The following GALNT2 variants were observed in gnomAD, a reference collection of about 807,000 sequenced individuals.
GALNT2 encodes the protein polypeptide N-acetylgalactosaminyltransferase 2.
In GALNT2, 31 loss-of-function variants were observed where a neutral mutation model predicts 81.4. The ratio of observed to expected loss-of-function variants is 0.38; its 90% confidence interval spans 0.29 to 0.51. The LOEUF (loss-of-function observed/expected upper bound fraction) is 0.51, where lower values mean the gene tolerates loss of function less well. GALNT2 is among the 20% of genes least tolerant of loss of function. GALNT2 has a pLI of 0.87. For missense variants in GALNT2, 629 were observed against 765.7 expected (o/e 0.82, Z 2.11); for synonymous variants, 303 against 287.4 (o/e 1.05, Z -0.55).
At chr1:230,094,521 C>A (rs1405835643) in intron 1 of GALNT2, among the ~76,000 whole-genome samples, 1 of 152,046 alleles carries the variant, frequency 6.6e-6, no homozygotes, top group Non-Finnish European at 1.5e-5. Flanking sequence ...ACCTGTAATC[C>A]CAGCTACTTG....
At chr1:230,119,579 C>T (rs1360429983) in intron 1 of GALNT2, among the ~76,000 whole-genome samples, 1 of 152,178 alleles carries the variant, frequency 6.6e-6, no homozygotes, top group Non-Finnish European at 1.5e-5. Flanking sequence ...AACATTGTAA[C>T]ATTTTAATTC....
At chr1:230,139,658 A>C (rs1404837504) in intron 1 of GALNT2, among the ~76,000 whole-genome samples, 1 of 152,260 alleles carries the variant, frequency 6.6e-6, no homozygotes, top group African/African-American at 2.4e-5. Context: ...TAGAATAGTA[A>C]GGGATTTTTT....
rs116676225 is a variant in GALNT2, at chr1:230,141,620, G to A, written c.127-36598G>A. 9.5e-4 allele frequency among the ~76,000 whole-genome samples: 145 copies of A among 152,186 alleles called. 2 individuals carry two copies. The Middle Eastern group carries it at 0.01, about 11-fold the overall frequency. The stretch of plus-strand genomic sequence containing the variant: ...CATCCATGTTGTAGCGCGCGTCAGA[G>A]TTTTCTCCCTATTTAGGGCTGAATA... On this transcript the variant is annotated intron_variant, in intron 1 of 15. Coordinates refer to ENST00000366672, the MANE Select transcript of GALNT2 (RefSeq NM_004481.5).
At chr1:230,058,642 C>T (rs1658975186) in intron 1 of GALNT2, among the ~76,000 whole-genome samples, 1 of 152,234 alleles carries the variant, frequency 6.6e-6, no homozygotes, top group African/African-American at 2.4e-5. Context: ...ACAAACAGTG[C>T]CTGGCATATG....
At chr1:230,113,364 T>G (rs574339261) in intron 1 of GALNT2, among the ~76,000 whole-genome samples, 17 of 152,218 alleles carry the variant, frequency 1.1e-4, no homozygotes, top group Non-Finnish European at 2.4e-4. Context: ...GAATCCAGTT[T>G]GCGCAGCACT....
intron 2 of GALNT2, among the ~76,000 whole-genome samples, chr1:230,182,712 T>A (rs114596733): frequency 2.6e-5 from 4 of 152,242 alleles, no homozygotes; most frequent in African/African-American, 9.6e-5. Context: ...CTGCTGTTTT[T>A]GACTGAATTA....
At chr1:230,182,375 T>C (rs1663188772) in intron 2 of GALNT2, among the ~76,000 whole-genome samples, 1 of 152,232 alleles carries the variant, frequency 6.6e-6, no homozygotes, top group Non-Finnish European at 1.5e-5. Flanking sequence ...ACTATAAATT[T>C]CTTTGGAAGC....
chr1:230,112,018 G>T (rs1660718964), intron 1 of GALNT2, among the ~76,000 whole-genome samples: 1 of 152,006 alleles, frequency 6.6e-6, no homozygotes, highest in Non-Finnish European at 1.5e-5. Context: ...GGAATTTATT[G>T]TGGGGACATG....
chr1:230,065,953 A>G (rs2102736495), upstream of GALNT2, among the ~76,000 whole-genome samples: 1 of 152,180 alleles, frequency 6.6e-6, no homozygotes, highest in East Asian at 1.9e-4. Context: ...TTCAGTTTTT[A>G]GTTCTTGGTG....
intron 13 of GALNT2, chr1:230,263,605 T>C (rs1035966493): frequency 1.3e-5 from 2 of 152,550 alleles, no homozygotes; most frequent in Non-Finnish European, 2.9e-5. Context: ...ACCCAGCCTC[T>C]TGTTTTAAGC....
In GALNT2 at chr1:230,243,334, C is replaced by T. The variant is rs112101154; in HGVS notation, c.636C>T (p.Ala212=). Residue 212 remains alanine (A), a synonymous_variant, in exon 7 of 16, where the codon GCC becomes GCT. Coordinates refer to ENST00000366672, the MANE Select transcript of GALNT2 (RefSeq NM_004481.5). The surrounding 1 kb of genome is among the most constrained non-coding windows in gnomAD (Gnocchi z 4.2). ...TCATGCGCTCACGGGTTCGGGGGGC[C>T]GATGCTGCCCAAGCCAAGGTCCTGA... ...EGLMRSRVRG[A]DAAQAKVLTF... The T allele has an allele frequency of 7.3e-5, 117 of 1,608,746 alleles. No homozygotes were observed. The African/African-American group carries it at 1.2e-3, about 16-fold the overall frequency.
At chr1:230,120,525 A>G (rs1003349607) in intron 1 of GALNT2, among the ~76,000 whole-genome samples, 5 of 152,008 alleles carry the variant, frequency 3.3e-5, no homozygotes, top group Non-Finnish European at 7.4e-5. Flanking sequence ...TTCCATGTCT[A>G]AGTGGAGTCC....
rs185606771 is a variant in GALNT2 at position 230,248,447 on chromosome 1, G to T, written c.818-737G>T. Among the ~76,000 whole-genome samples, 41 of 152,276 alleles carry T rather than the reference G, an allele frequency of 2.7e-4. No homozygotes were observed. In the East Asian group the frequency reaches 7.5e-3, roughly 28 times the overall value. On this transcript the variant is annotated intron_variant, in intron 8 of 15. Transcript: ENST00000366672. ...CAGCTTCCGCAGGTGGAGCCTGCTGGCCTCCAAGAGGCACTATGTGTGTGA... is the reference window on the plus strand; with the variant it reads ...CAGCTTCCGCAGGTGGAGCCTGCTGTCCTCCAAGAGGCACTATGTGTGTGA...
intron 1 of GALNT2, among the ~76,000 whole-genome samples, chr1:230,123,030 T>C (rs1661069720): frequency 6.6e-6 from 1 of 152,196 alleles, no homozygotes; most frequent in African/African-American, 2.4e-5. Flanking sequence ...CTGGTTGTAA[T>C]AGTCTAATCA....
At chr1:230,195,938 G>A (rs1487212861) in intron 2 of GALNT2, among the ~76,000 whole-genome samples, 1 of 152,162 alleles carries the variant, frequency 6.6e-6, no homozygotes, top group Admixed American at 6.5e-5. Flanking sequence ...TTCCTGAGCA[G>A]GGGGCAGATG....
intron 1 of GALNT2, among the ~76,000 whole-genome samples, chr1:230,176,834 G>C (rs1220932736): frequency 6.6e-5 from 10 of 152,206 alleles, no homozygotes; most frequent in Non-Finnish European, 1.5e-5. Context: ...GTTGCAGCGT[G>C]GGGTAAGACT....
At chr1:230,220,986 T>C (rs1217351396) in intron 3 of GALNT2, among the ~76,000 whole-genome samples, 3 of 152,222 alleles carry the variant, frequency 2.0e-5, no homozygotes, top group Non-Finnish European at 2.9e-5. Flanking sequence ...GTTTTTTCTT[T>C]AAAGAAAAAG....
At chr1:230,223,819 A>G (rs1664626892) in intron 3 of GALNT2, among the ~76,000 whole-genome samples, 3 of 152,198 alleles carry the variant, frequency 2.0e-5, no homozygotes, top group Non-Finnish European at 4.4e-5. Context: ...AATTCAGTGT[A>G]TCTGAAAAGA....
At chr1:230,094,066 A>G (rs1407023092) in intron 1 of GALNT2, among the ~76,000 whole-genome samples, 1 of 152,070 alleles carries the variant, frequency 6.6e-6, no homozygotes, top group African/African-American at 2.4e-5. Flanking sequence ...CAGTGGCACA[A>G]ACATCACTGC....
Sources: gnomAD v4.1 joint callset for allele counts (sites outside exome capture counted in the v4.1 genomes callset) on GRCh38, gnomAD v4.1.1 for gene constraint, Gnocchi (gnomAD v3.1) non-coding constraint, MANE v1.5 for transcripts, NCBI Gene and HGNC (gene_info 2026-07-23, HGNC 2026-07-21) for gene names.